Variants in ADAM19 observed in about 807,000 individuals in gnomAD.
The protein encoded by ADAM19 is disintegrin and metalloproteinase domain-containing protein 19.
In ADAM19, 65 loss-of-function variants were observed where a neutral mutation model predicts 114.7. The ratio of observed to expected loss-of-function variants is 0.57; its 90% CI spans 0.46 to 0.70. The LOEUF (loss-of-function observed/expected upper bound fraction) is 0.70. Among genes scored for constraint, ADAM19 ranks in the 30% least tolerant of loss-of-function variants. ADAM19 has a pLI of 0.00. For synonymous variants in ADAM19, 466 were observed against 460.5 expected, an observed-to-expected ratio of 1.01 and a Z score of -0.15; for missense variants, 1,063 against 1,204.7, an observed-to-expected ratio of 0.88 and a Z score of 1.74.
intron 6 of ADAM19, among the ~76,000 whole-genome samples, 184 bp from the exon 7 acceptor site, chr5:157,519,072 G>T (rs1473665367): frequency 6.6e-6 from 1 of 152,160 alleles, no homozygotes; most frequent in Admixed American, 6.5e-5. Flanking sequence ...ACTGCCATTT[G>T]GTTATTGCTG....
chr5:157,529,934 C>A lies in ADAM19; in HGVS notation c.407+873G>T, dbSNP rs189931830. Among the ~76,000 whole-genome samples, 465 of 146,796 alleles carry A rather than the reference C, an allele frequency of 3.2e-3. 2 individuals are homozygous for A. The highest frequency in any genetic ancestry group is 4.4e-3 in the Non-Finnish European group (296 of 67,674). On this transcript the variant is annotated intron_variant, in intron 5 of 22. Coordinates refer to ENST00000257527, the MANE Select transcript of ADAM19 (RefSeq NM_033274.5). Reference sequence around the variant, plus strand: ...TCCTTGCCTTTCCTTTCACTTCCTACTCTCTGTTCATTAACCGTCCATTTC... The same window carrying A: ...TCCTTGCCTTTCCTTTCACTTCCTAATCTCTGTTCATTAACCGTCCATTTC...
At chr5:157,524,438 C>A (rs563643733) in intron 5 of ADAM19, among the ~76,000 whole-genome samples, 48 of 152,230 alleles carry the variant, frequency 3.2e-4, no homozygotes, top group Non-Finnish European at 5.3e-4. Flanking sequence ...CATGCCTAAC[C>A]CCTGCATAAC....
chr5:157,574,329 C>T (rs1329781637), intron 1 of ADAM19, among the ~76,000 whole-genome samples: 1 of 152,178 alleles, frequency 6.6e-6, no homozygotes, highest in Non-Finnish European at 1.5e-5. Context: ...CTTTCCTTGT[C>T]TTTCTTCATG....
intron 3 of ADAM19, among the ~76,000 whole-genome samples, chr5:157,563,849 T>C (rs1757580254): frequency 6.6e-6 from 1 of 152,106 alleles, no homozygotes; most frequent in Non-Finnish European, 1.5e-5. Flanking sequence ...GTTAAGAAGA[T>C]GGAAGAGCCG....
chr5:157,514,917 A>G (rs1376908646), intron 7 of ADAM19, among the ~76,000 whole-genome samples: 1 of 152,210 alleles, frequency 6.6e-6, no homozygotes, highest in African/African-American at 2.4e-5. Context: ...CCCACTATAC[A>G]TGTTATTTTG....
chr5:157,491,582 A>G (rs773582493), intron 18 of ADAM19, 33 bp downstream of exon 18: 1 of 1,417,714 alleles, frequency 7.1e-7, no homozygotes, highest in East Asian at 2.5e-5. Context: ...TTCTCACAAA[A>G]GCGGGCAGTG....
intron 3 of ADAM19, among the ~76,000 whole-genome samples, chr5:157,563,527 G>A (rs1757568678): frequency 1.3e-5 from 2 of 152,068 alleles, no homozygotes; most frequent in South Asian, 2.1e-4. Context: ...GGCTTCCAGG[G>A]GGTTCTGGAG....
At chr5:157,552,898 C>A (rs1381047326) in intron 3 of ADAM19, among the ~76,000 whole-genome samples, 1 of 152,024 alleles carries the variant, frequency 6.6e-6, no homozygotes, top group Admixed American at 6.6e-5. Flanking sequence ...ATGGATGGAA[C>A]TGGAGATCAT....
chr5:157,509,318 G>A lies in ADAM19; in HGVS notation c.888C>T (p.Asp296=). 1 of 1,610,598 alleles carries A rather than the reference G, an allele frequency of 6.2e-7. No individual in the cohort carries two copies. The highest frequency in any genetic ancestry group is 1.3e-5 in the African/African-American group (1 of 74,878). Reference sequence around the variant, plus strand: ...CTATTTACGTGATTAATTGGGCGTTGTCATGGTACTTCTGGGCAAGCAGCT... The same window carrying A: ...CTATTTACGTGATTAATTGGGCGTTATCATGGTACTTCTGGGCAAGCAGCT... ...RRKLLAQKYH[D]NAQLITGMSF... Residue 296 remains aspartate (D), a synonymous_variant, in exon 9 of 23, where the codon GAC becomes GAT. Transcript: ENST00000257527.
intron 3 of ADAM19, among the ~76,000 whole-genome samples, chr5:157,558,391 A>T (rs1366389506): frequency 3.9e-5 from 6 of 152,212 alleles, no homozygotes; most frequent in Admixed American, 3.9e-4. Context: ...TGAATACTTT[A>T]GATCTGCCAA....
chr5:157,551,464 C>T (rs1757196423), intron 3 of ADAM19, among the ~76,000 whole-genome samples: 1 of 140,262 alleles, frequency 7.1e-6, no homozygotes, highest in African/African-American at 2.6e-5. Flanking sequence ...AACCATTTAA[C>T]TGCAACAAGA....
rs1405165204 is a variant in ADAM19 at position 157,564,309 on chromosome 5, C to T, written c.251+64G>A. On this transcript the variant is annotated intron_variant, in intron 3 of 22. Coordinates refer to ENST00000257527, the MANE Select transcript of ADAM19 (RefSeq NM_033274.5). ...ACTGCTTCCTTCCAGAACAGCGACA[C>T]CTGCGTCCGGCGTTGACACAGAAGT... is the stretch of plus-strand genomic sequence containing the variant. The T allele has an allele frequency of 6.8e-6, 10 of 1,475,730 alleles. No individual in the cohort carries two copies. In the Admixed American group the frequency reaches 8.4e-5, roughly 12 times the overall value. The allele number at this position is 1,475,730 out of a possible 1,614,324, so 91.4% of individuals were successfully genotyped here.
chr5:157,567,968 A>G (rs1225056720), intron 2 of ADAM19: 1 of 152,040 alleles, frequency 6.6e-6, no homozygotes, highest in East Asian at 1.9e-4. Context: ...AAGCTGCAGC[A>G]GGAATAGTAA....
At chr5:157,570,099 A>T (rs1238389385) in intron 2 of ADAM19, among the ~76,000 whole-genome samples, 1 of 152,160 alleles carries the variant, frequency 6.6e-6, no homozygotes, top group Non-Finnish European at 1.5e-5. Context: ...ATCTCTACTA[A>T]AAATACAAAA....
intron 3 of ADAM19, among the ~76,000 whole-genome samples, chr5:157,542,594 C>A (rs145733464): frequency 6.6e-6 from 1 of 152,166 alleles, no homozygotes; most frequent in Non-Finnish European, 1.5e-5. Flanking sequence ...GTGGATCACA[C>A]GAGGCCAGGA....
Position 157,477,448 on chromosome 5 carries a change from C to T in ADAM19, c.*3501G>A, listed in dbSNP as rs189011531. On this transcript the variant is annotated 3_prime_UTR_variant, in exon 23 of 23. Transcript: ENST00000257527. ...ACAAGAGAGAAGAAGATCTGTTTTC[C>T]GTGAACAATCTCCCAAATAAAAAGA... is the stretch of plus-strand genomic sequence containing the variant. The T allele has an allele frequency of 3.2e-4, 329 of 1,032,616 alleles. 1 individual carries two copies. The African/African-American group carries it at 4.9e-3, about 15-fold the overall frequency. 64.0% of individuals were successfully genotyped at this position (1,032,616 alleles called of 1,614,324 possible).
At chr5:157,509,583 TA>T (rs1755851217) in intron 8 of ADAM19, 116 bp from the exon 9 acceptor site, 1 of 844,020 alleles carries the variant, frequency 1.2e-6, no homozygotes, top group Non-Finnish European at 1.6e-6. Context: ...AACTAAAAAA[TA>T]AAAATAAATT....
At chr5:157,484,485 A>T (rs1335093043) in intron 21 of ADAM19, among the ~76,000 whole-genome samples, 1 of 152,200 alleles carries the variant, frequency 6.6e-6, no homozygotes, top group East Asian at 1.9e-4. Flanking sequence ...CCAACTGCAT[A>T]GAAGGGAGTT....
chr5:157,562,232 T>C (rs1314453479), intron 3 of ADAM19, among the ~76,000 whole-genome samples: 1 of 152,104 alleles, frequency 6.6e-6, no homozygotes, highest in Non-Finnish European at 1.5e-5. Context: ...CAGGAAGCCG[T>C]CCCCCAGGGA....
Sources: gnomAD v4.1 joint callset for allele counts (sites outside exome capture counted in the v4.1 genomes callset) on GRCh38, gnomAD v4.1.1 for gene constraint, MANE v1.5 for transcripts, NCBI Gene and HGNC (gene_info 2026-07-23, HGNC 2026-07-21) for gene names.